Variants in JAKMIP3 observed in about 807,000 individuals in gnomAD.
JAKMIP3 encodes the protein Janus kinase and microtubule interacting protein 3, also known as janus kinase and microtubule-interacting protein 3.
In JAKMIP3, 58 loss-of-function variants were observed where a neutral mutation model predicts 118.5. The ratio of observed to expected loss-of-function variants is 0.49; its 90% CI spans 0.40 to 0.61. The LOEUF (loss-of-function observed/expected upper bound fraction) is 0.61, where lower values mean the gene tolerates loss of function less well. JAKMIP3 is among the 20% of genes least tolerant of loss of function. The pLI, the probability that JAKMIP3 is intolerant of heterozygous loss-of-function variation, is 0.00. For missense variants in JAKMIP3, 950 were observed against 1,109.0 expected (o/e 0.86, Z 2.04); for synonymous variants, 486 against 451.2 (o/e 1.08, Z -0.98).
At chr10:132,180,684 T>TGTGTGCGC (rs2061055576) in intron 23 of JAKMIP3, among the ~76,000 whole-genome samples, 1 of 16,822 alleles carries the variant, frequency 5.9e-5, no homozygotes, top group Non-Finnish European at 1.2e-4. Flanking sequence ...TGCGCGCGCG[T>TGTGTGCGC]GTGTGTGCGT....
intron 2 of JAKMIP3, among the ~76,000 whole-genome samples, chr10:132,114,843 T>A (rs2047386526): frequency 6.6e-6 from 1 of 152,186 alleles, no homozygotes; most frequent in Admixed American, 6.5e-5. Context: ...TCAAAAGTGT[T>A]GGTTTTTTTG....
At position 132,180,718 on chromosome 10, in the gene JAKMIP3, T is replaced by TGTGCGC. The variant is rs2061140602; in HGVS notation, c.*1104-1638_*1104-1637insTGCGCG. ...GTGCGTGTGTGTGTGCGCGTGTGTG[T>TGTGCGC]GCGTGTGTGTGCGTGTGTGCGTGCG... On this transcript the variant is annotated intron_variant, in intron 23 of 23. Transcript: ENST00000684848. Among the ~76,000 whole-genome samples the TGTGCGC allele has an allele frequency of 1.6e-4, 3 of 18,778 alleles. 1 individual carries two copies. Among genetic ancestry groups the TGTGCGC allele is most frequent in the African/African-American group, 9.0e-4 (3 of 3,346 alleles). The allele number at this position is 18,778 out of a possible 152,430, so 12.3% of individuals were successfully genotyped here.
chr10:132,063,962 C>T (rs1165689298), upstream of JAKMIP3, among the ~76,000 whole-genome samples: 1 of 152,170 alleles, frequency 6.6e-6, no homozygotes, highest in African/African-American at 2.4e-5. Context: ...TCATACTATA[C>T]ACACTTTTTT....
intron 21 of JAKMIP3, among the ~76,000 whole-genome samples, chr10:132,165,308 G>T (rs2058782134): frequency 6.6e-6 from 1 of 152,224 alleles, no homozygotes; most frequent in South Asian, 2.1e-4. Context: ...GTCAGGATGA[G>T]GGGAGCACAG....
At position 132,181,884 on chromosome 10, in the gene JAKMIP3, G is replaced by A. The variant is rs554257060; in HGVS notation, c.*1104-473G>A. 1.1e-4 allele frequency among the ~76,000 whole-genome samples: 16 copies of A among 151,322 alleles called. No homozygotes were observed. In the East Asian group the frequency reaches 2.8e-3, roughly 26 times the overall value. On this transcript the variant is annotated intron_variant, in intron 23 of 23. Transcript: ENST00000684848. ...CCTCAGCCCACGTGGCCTCCCACCCGATGCTGCCATGCCCCAGGGACTGAT... is the reference window on the plus strand; with the variant it reads ...CCTCAGCCCACGTGGCCTCCCACCCAATGCTGCCATGCCCCAGGGACTGAT...
At position 132,135,910 on chromosome 10, in the gene JAKMIP3, C is replaced by T. The variant is rs878861138; in HGVS notation, c.970-20C>T. 8 of 1,606,326 alleles carry T rather than the reference C, an allele frequency of 5.0e-6. No homozygotes were observed. The highest frequency in any genetic ancestry group is 5.9e-6 in the Non-Finnish European group (7 of 1,176,774). On this transcript the variant is annotated intron_variant, in intron 5 of 23. Transcript: ENST00000684848. ...TTCTCCGTCACTTAAAGAACAATCA[C>T]ATAGTGCGTTGTCTTTCAGTTGAAG...
chr10:132,117,131 G>C lies in JAKMIP3; in HGVS notation c.190G>C (p.Glu64Gln). 1 of 1,613,548 alleles carries C rather than the reference G, an allele frequency of 6.2e-7. No homozygotes were observed. The highest frequency in any genetic ancestry group is 8.5e-7 in the Non-Finnish European group (1 of 1,179,782). The change falls in exon 3 of 24, where the codon GAG (glutamate) becomes CAG (glutamine). Residue 64 changes from glutamate (E) to glutamine (Q), a missense_variant. Coordinates refer to ENST00000684848, the MANE Select transcript of JAKMIP3 (RefSeq NM_001323087.2). The surrounding 1 kb of genome is among the most constrained non-coding windows in gnomAD (Gnocchi z 8.6). ...GGAGCTGCGGCAGGTGCGCGAGCAT[G>C]AGCAGCATAAGACCGCGGTCTTGCT... The part of the protein sequence containing the change: ...NQELRQVREH[E>Q]QHKTAVLLTE...
At position 132,137,066 on chromosome 10, in the gene JAKMIP3, T is replaced by C. The variant is rs758979761; in HGVS notation, c.1164T>C (p.Leu388=). 3.1e-6 allele frequency: 5 copies of C among 1,613,814 alleles called. No homozygotes were observed. The highest frequency in any genetic ancestry group is 4.2e-6 in the Non-Finnish European group (5 of 1,179,886). Residue 388 remains leucine (L), a synonymous_variant, in exon 7 of 24, where the codon CTT becomes CTC. Transcript: ENST00000684848. The stretch of plus-strand genomic sequence containing the variant: ...GGAGACCCAGTTCCTTGAATGACCT[T>C]GATCAAAGTCAGGATGAGAGAGAAG... The part of the protein sequence containing the change: ...IIRRPSSLND[L]DQSQDEREVD...
At chr10:132,101,399 C>T (rs187812942) in intron 1 of JAKMIP3, among the ~76,000 whole-genome samples, 9 of 152,226 alleles carry the variant, frequency 5.9e-5, no homozygotes, top group Non-Finnish European at 1.3e-4. Context: ...CTAAATGCTA[C>T]GAACAGTGGG....
Position 132,168,341 on chromosome 10 carries a change from C to T in JAKMIP3, c.*411C>T, listed in dbSNP as rs561529761. The T allele has an allele frequency of 1.3e-3, 1,682 of 1,289,578 alleles. 25 individuals carry two copies. In the African/African-American group the frequency reaches 0.019, roughly 15 times the overall value. The allele number at this position is 1,289,578 out of a possible 1,614,324, so 79.9% of individuals were successfully genotyped here. On this transcript the variant is annotated 3_prime_UTR_variant, in exon 23 of 24. Coordinates refer to ENST00000684848, the MANE Select transcript of JAKMIP3 (RefSeq NM_001323087.2). ...TCCTCTCTCTTGGTTCTCACAGTAG[C>T]TGCCACTGGTGTCTGGAGGAAGATT...
chr10:132,061,402 A>G (rs78217773), upstream of JAKMIP3, among the ~76,000 whole-genome samples: 3,292 of 152,366 alleles, frequency 0.022, 117 homozygotes, highest in African/African-American at 0.075. Flanking sequence ...GTCCTAAATA[A>G]ATGGAGAACT....
Position 132,117,722 on chromosome 10 carries a change from C to G in JAKMIP3, c.633+148C>G. 9.9e-7 allele frequency: 1 copy of G among 1,007,186 alleles called. No individual in the cohort carries two copies. Among genetic ancestry groups the G allele is most frequent in the Non-Finnish European group, 1.3e-6 (1 of 767,406 alleles). The allele number at this position is 1,007,186 out of a possible 1,614,324, so 62.4% of individuals were successfully genotyped here. Reference sequence around the variant, plus strand: ...TTCACCCCCCATGACATTCTTAGCACAGGCTCCTCATGCCACCCCTGTTGG... The same window carrying G: ...TTCACCCCCCATGACATTCTTAGCAGAGGCTCCTCATGCCACCCCTGTTGG... On this transcript the variant is annotated intron_variant, in intron 3 of 23. Transcript: ENST00000684848. The surrounding 1 kb of genome is among the most constrained non-coding windows in gnomAD (Gnocchi z 8.6).
rs1435530363 is a variant in JAKMIP3, at chr10:132,180,576, T to TGC, written c.*1104-1780_*1104-1779insCG. On this transcript the variant is annotated intron_variant, in intron 23 of 23. Coordinates refer to ENST00000684848, the MANE Select transcript of JAKMIP3 (RefSeq NM_001323087.2). ...GTGCATGCGTGTGTGTGCGTGTGTG[T>TGC]GTGCGTGCGCGTGTGTGTGTGCGTG... is the stretch of plus-strand genomic sequence containing the variant. Among the ~76,000 whole-genome samples the TGC allele has an allele frequency of 3.1e-3, 62 of 19,926 alleles. 10 individuals are homozygous for TGC. The highest frequency in any genetic ancestry group is 0.017 in the African/African-American group (54 of 3,124). The allele number at this position is 19,926 out of a possible 152,430, so 13.1% of individuals were successfully genotyped here. A position where few individuals can be genotyped will look rare whatever the true frequency, so the allele number is the denominator to read the frequency against.
At chr10:132,131,245 G>A (rs182696799) in intron 3 of JAKMIP3, among the ~76,000 whole-genome samples, 4 of 150,802 alleles carry the variant, frequency 2.7e-5, no homozygotes, top group East Asian at 2.0e-4. Flanking sequence ...GGGAAGAGTC[G>A]GGGGGCAGGG....
chr10:132,138,624 T>C (rs2052434347), intron 9 of JAKMIP3, among the ~76,000 whole-genome samples: 1 of 152,266 alleles, frequency 6.6e-6, no homozygotes, highest in Non-Finnish European at 1.5e-5. Flanking sequence ...TTATCATTTT[T>C]AATAAACTTG....
In JAKMIP3 at chr10:132,044,839, T is replaced by C. The variant is rs555230664; in HGVS notation, c.-138+8101T>C. Among the ~76,000 whole-genome samples the C allele has an allele frequency of 8.6e-5, 13 of 151,958 alleles. No homozygotes were observed. Among genetic ancestry groups the C allele is most frequent in the African/African-American group, 3.1e-4 (13 of 41,476 alleles). The stretch of plus-strand genomic sequence containing the variant: ...CCCTGACACCCCCACTGGTCTTTGA[T>C]TCCTTTAGGGGCCTCAGCTGAGTAG... On this transcript the variant is annotated intron_variant, in intron 1 of 23. Transcript: ENST00000657785. The surrounding 1 kb of genome is among the most constrained non-coding windows in gnomAD (Gnocchi z 5.3).
At chr10:132,160,472 G>GT (rs2058022103) in intron 19 of JAKMIP3, among the ~76,000 whole-genome samples, 1 of 59,708 alleles carries the variant, frequency 1.7e-5, no homozygotes, top group Non-Finnish European at 3.1e-5. Context: ...TGTGATGCTG[G>GT]GGGACCTCTC....
intron 9 of JAKMIP3, among the ~76,000 whole-genome samples, chr10:132,140,129 C>T (rs988789020): frequency 2.0e-5 from 3 of 152,210 alleles, no homozygotes; most frequent in Admixed American, 1.3e-4. Context: ...CACCCATCGT[C>T]GGTTCTGTTA....
At chr10:132,145,350 A>G (rs1164195191) in intron 12 of JAKMIP3, among the ~76,000 whole-genome samples, 160 bp downstream of exon 12, 5 of 152,204 alleles carry the variant, frequency 3.3e-5, no homozygotes, top group Admixed American at 3.3e-4. Context: ...AGTAGCTGGG[A>G]CCACAGGCAT....
Sources: allele counts gnomAD v4.1 joint callset (sites outside exome capture counted in the v4.1 genomes callset), GRCh38; gene constraint gnomAD v4.1.1; non-coding constraint Gnocchi (gnomAD v3.1); transcripts MANE v1.5; gene names NCBI Gene and HGNC (gene_info 2026-07-23, HGNC 2026-07-21).